The following ST3GAL3 variants were observed in gnomAD, a reference collection of about 807,000 sequenced individuals.
ST3GAL3 encodes CMP-N-acetylneuraminate-beta-1,4-galactoside alpha-2,3-sialyltransferase.
In ST3GAL3, 21 loss-of-function variants were observed where a neutral mutation model predicts 50.1. The ratio of observed to expected loss-of-function variants is 0.42; its 90% CI spans 0.30 to 0.60. ST3GAL3 has a LOEUF of 0.60. ST3GAL3 is among the 20% of genes least tolerant of loss of function. The probability of loss-of-function intolerance (pLI) is 0.19; values close to 1 mark genes in which losing one functional copy is unlikely to be tolerated. For synonymous variants in ST3GAL3, 183 were observed against 190.0 expected (o/e 0.96, Z 0.30); for missense variants, 353 against 489.4 (o/e 0.72, Z 2.63).
At chr1:43,891,974 C>T (rs1050720915) in intron 5 of ST3GAL3, among the ~76,000 whole-genome samples, 5 of 152,202 alleles carry the variant, frequency 3.3e-5, no homozygotes, top group Non-Finnish European at 5.9e-5. Flanking sequence ...GATGGAGTCT[C>T]GCTCTGTCGC....
chr1:43,802,934 G>GTTTTGT (rs1372749220), intron 3 of ST3GAL3, among the ~76,000 whole-genome samples: 1 of 151,974 alleles, frequency 6.6e-6, no homozygotes, highest in Non-Finnish European at 1.5e-5. Flanking sequence ...TTTTTGTTTT[G>GTTTTGT]TTTTGTTTTT....
intron 6 of ST3GAL3, among the ~76,000 whole-genome samples, chr1:43,895,553 G>A (rs992168452): frequency 2.6e-5 from 4 of 152,156 alleles, no homozygotes; most frequent in Non-Finnish European, 5.9e-5. Flanking sequence ...TACTACTACT[G>A]TGTAAAGTTG....
At chr1:43,922,804 G>GA (rs59235536) in intron 11 of ST3GAL3, among the ~76,000 whole-genome samples, 70,786 of 112,040 alleles carry the variant, frequency 0.63, 23,524 homozygotes, top group Non-Finnish European at 0.78. Flanking sequence ...TCTCAAAAAA[G>GA]AAAAAAAAAA....
In ST3GAL3 at chr1:43,721,711, C is replaced by T. The variant is rs1670566702; in HGVS notation, c.-31+14018C>T. 2.6e-5 allele frequency among the ~76,000 whole-genome samples: 4 copies of T among 152,184 alleles called. No individual in the cohort carries two copies. In the South Asian group the frequency reaches 8.3e-4, roughly 32 times the overall value. ...CCGCCTCCTGGGTTCAAGCGATTCTCCTGCCTCAGCCTCCTGAGTAGCTGA... is the reference window on the plus strand; with the variant it reads ...CCGCCTCCTGGGTTCAAGCGATTCTTCTGCCTCAGCCTCCTGAGTAGCTGA... On this transcript the variant is annotated intron_variant, in intron 1 of 11. Transcript: ENST00000347631.
At chr1:43,863,682 G>T (rs2070598667) in intron 5 of ST3GAL3, among the ~76,000 whole-genome samples, 1 of 152,204 alleles carries the variant, frequency 6.6e-6, no homozygotes, top group Non-Finnish European at 1.5e-5. Flanking sequence ...GGGCCTGTCT[G>T]CTCAGTATGA....
intron 2 of ST3GAL3, among the ~76,000 whole-genome samples, chr1:43,779,640 C>T (rs150559419): frequency 6.8e-4 from 104 of 152,302 alleles, no homozygotes; most frequent in African/African-American, 2.3e-3. Flanking sequence ...TACTCTGTCA[C>T]ACTCACCACT....
chr1:43,817,161 C>T (rs1472537351), intron 4 of ST3GAL3, among the ~76,000 whole-genome samples: 1 of 152,278 alleles, frequency 6.6e-6, no homozygotes, highest in East Asian at 1.9e-4. Context: ...TATATTTTAG[C>T]TTTCTGAATC....
chr1:43,743,704 GGT>G, intron 2 of ST3GAL3: 1 of 234,440 alleles, frequency 4.3e-6, no homozygotes, highest in Non-Finnish European at 8.6e-6. Context: ...GTAGCAGACA[GGT>G]GTCTACTACA....
At position 43,917,534 on chromosome 1, in the gene ST3GAL3, A is replaced by T. The variant is rs868338348; in HGVS notation, c.745-2870A>T. ...TAATATAATATATATTATATTATAT[A>T]ATATATTATGTATTATATATAATAT... On this transcript the variant is annotated intron_variant, in intron 9 of 11. Coordinates refer to ENST00000347631, the MANE Select transcript of ST3GAL3 (RefSeq NM_006279.5). Among the ~76,000 whole-genome samples, 218 of 88,324 alleles carry T rather than the reference A, an allele frequency of 2.5e-3. 1 individual carries two copies. The highest frequency in any genetic ancestry group is 3.4e-3 in the Non-Finnish European group (163 of 48,342). The allele number at this position is 88,324 out of a possible 152,430, so 57.9% of individuals were successfully genotyped here.
chr1:43,831,856 G>A (rs2063590720), intron 4 of ST3GAL3: 1 of 152,234 alleles, frequency 6.6e-6, no homozygotes, highest in Admixed American at 6.5e-5. Flanking sequence ...AAACAGAACA[G>A]TGCATCTTCT....
At chr1:43,898,734 A>T (rs2077767554) in intron 7 of ST3GAL3, among the ~76,000 whole-genome samples, 2 of 152,208 alleles carry the variant, frequency 1.3e-5, no homozygotes, top group South Asian at 4.2e-4. Flanking sequence ...GGCTGCTGGG[A>T]GCCTTGAGTC....
intron 2 of ST3GAL3, among the ~76,000 whole-genome samples, chr1:43,767,582 A>G (rs1177153555): frequency 6.6e-6 from 1 of 151,980 alleles, no homozygotes; most frequent in Non-Finnish European, 1.5e-5. Context: ...TAGAATATTA[A>G]GAAATGAATT....
At chr1:43,799,916 G>T (rs2059128628) in intron 3 of ST3GAL3, among the ~76,000 whole-genome samples, 1 of 152,168 alleles carries the variant, frequency 6.6e-6, no homozygotes, top group African/African-American at 2.4e-5. Flanking sequence ...TAAATTCACT[G>T]CAGTACTCAG....
intron 3 of ST3GAL3, among the ~76,000 whole-genome samples, chr1:43,796,241 G>A (rs2058671924): frequency 1.3e-5 from 2 of 152,152 alleles, no homozygotes; most frequent in Non-Finnish European, 2.9e-5. Flanking sequence ...CCAGATTTGA[G>A]TGCAGTTCAG....
chr1:43,906,187 C>T (rs1330918530), intron 9 of ST3GAL3, among the ~76,000 whole-genome samples: 11 of 127,608 alleles, frequency 8.6e-5, no homozygotes, highest in Non-Finnish European at 1.8e-4. Flanking sequence ...CACTCTTCCT[C>T]CCCCTCCTCC....
At chr1:43,893,603 A>G (rs1424796415) in intron 5 of ST3GAL3, among the ~76,000 whole-genome samples, 1 of 152,056 alleles carries the variant, frequency 6.6e-6, no homozygotes, top group Non-Finnish European at 1.5e-5. Context: ...CAAGAAGAGT[A>G]AGACTTGCCT....
In ST3GAL3 at chr1:43,899,075, T is replaced by C; in HGVS notation, c.462-93T>C. Reference sequence around the variant, plus strand: ...TTCTTCCTCTATCCCAGCCTGGTCCTGGACAAGGGCGTGGGGTCAAGGGCC... The same window carrying C: ...TTCTTCCTCTATCCCAGCCTGGTCCCGGACAAGGGCGTGGGGTCAAGGGCC... On this transcript the variant is annotated intron_variant, in intron 7 of 11. Transcript: ENST00000347631. This position sits in a 1 kb window ranked among gnomAD's most constrained non-coding sequence, Gnocchi z 5.4. The C allele has an allele frequency of 1.9e-6, 3 of 1,576,914 alleles. No individual in the cohort carries two copies. The highest frequency in any genetic ancestry group is 2.6e-6 in the Non-Finnish European group (3 of 1,156,616).
intron 9 of ST3GAL3, among the ~76,000 whole-genome samples, chr1:43,905,208 TCC>T (rs2079091909): frequency 1.6e-5 from 1 of 62,862 alleles, no homozygotes; most frequent in Non-Finnish European, 3.1e-5. Context: ...TTCCTCCCCC[TCC>T]TCCTGTTCCT....
At chr1:43,919,049 T>C (rs1329421649) in intron 9 of ST3GAL3, 1 of 148,412 alleles carries the variant, frequency 6.7e-6, no homozygotes, top group Admixed American at 7.0e-5. Context: ...TTTTCTTTCT[T>C]TTCTTTCCTT....
Sources: gnomAD v4.1 joint callset for allele counts (sites outside exome capture counted in the v4.1 genomes callset) on GRCh38, gnomAD v4.1.1 for gene constraint, Gnocchi (gnomAD v3.1) non-coding constraint, MANE v1.5 for transcripts, NCBI Gene and HGNC (gene_info 2026-07-23, HGNC 2026-07-21) for gene names.